Variants in STARD9 observed in about 807,000 individuals in gnomAD.
STARD9 encodes the protein stAR-related lipid transfer protein 9.
A neutral mutation model predicts 399.8 loss-of-function variants in STARD9; 346 were observed. That is an observed-to-expected ratio of 0.87 (90% confidence interval 0.79 to 0.95). The LOEUF (loss-of-function observed/expected upper bound fraction) is 0.95, where lower values mean the gene tolerates loss of function less well. Among genes scored for constraint, STARD9 ranks in the 40% least tolerant of loss-of-function variants. The pLI, the probability that STARD9 is intolerant of heterozygous loss-of-function variation, is 0.00. For missense variants in STARD9, 5,832 were observed against 5,667.5 expected (o/e 1.03, Z -0.93); for synonymous variants, 2,203 against 2,143.5 (o/e 1.03, Z -0.77).
At chr15:42,595,381 C>T (rs575872399) in intron 3 of STARD9, among the ~76,000 whole-genome samples, 1 of 152,282 alleles carries the variant, frequency 6.6e-6, no homozygotes, top group Admixed American at 6.5e-5. Flanking sequence ...ACTCCATGGT[C>T]CAAGCTCTCG....
chr15:42,691,187 C>A lies in STARD9; in HGVS notation c.9609C>A (p.Pro3203=), dbSNP rs573920127. The change falls in exon 23 of 33, where the codon CCC becomes CCA. Residue 3203 remains proline (P), a synonymous_variant. Transcript: ENST00000290607. The part of the protein sequence containing the change: ...FVARLKHTCS[P]QEDSPWQEEE... ...CAAGGTTAAAACATACCTGCAGCCC[C>A]CAGGAAGACAGTCCCTGGCAGGAAG... 1.3e-6 allele frequency: 2 copies of A among 1,537,228 alleles called. No individual in the cohort carries two copies. The highest frequency in any genetic ancestry group is 2.4e-5 in the South Asian group (2 of 84,058).
intron 6 of STARD9, 90 bp from the exon 7 acceptor site, chr15:42,638,610 C>A: frequency 1.2e-6 from 1 of 836,660 alleles, no homozygotes; most frequent in South Asian, 1.8e-5. Context: ...GGAGCTGGAA[C>A]AAGAACTAAG....
chr15:42,606,799 C>G (rs1191824841), intron 3 of STARD9, among the ~76,000 whole-genome samples: 1 of 151,976 alleles, frequency 6.6e-6, no homozygotes, highest in Non-Finnish European at 1.5e-5. Flanking sequence ...TGCTTGTATA[C>G]ATGTACAGTC....
intron 9 of STARD9, among the ~76,000 whole-genome samples, chr15:42,655,019 TGCCTGTAATCCCAGCACTTTGGGAG>T (rs1207705818): frequency 6.6e-6 from 1 of 152,164 alleles, no homozygotes; most frequent in African/African-American, 2.4e-5. Flanking sequence ...CAGTGGCTCA[TGCCTGTAATCCCAGCACTTTGGGAG>T]GCCGAGGCAG....
rs1459453767 is a variant in STARD9, at chr15:42,718,001, G to A, written c.13584G>A (p.Val4528=). 3 of 1,537,246 alleles carry A rather than the reference G, an allele frequency of 2.0e-6. No homozygotes were observed. Among genetic ancestry groups the A allele is most frequent in the Non-Finnish European group, 8.7e-7 (1 of 1,146,910 alleles). Reference sequence around the variant, plus strand: ...GCTATCAGGGTGAGGAGCAGGCGGTGCAGCTTTACTACAAGGTGTTTTCTC... The same window carrying A: ...GCTATCAGGGTGAGGAGCAGGCGGTACAGCTTTACTACAAGGTGTTTTCTC... ...GWNYQGEEQA[V]QLYYKVFSPT... Residue 4528 remains valine (V), a synonymous_variant, in exon 30 of 33, where the codon GTG becomes GTA. Coordinates refer to ENST00000290607, the MANE Select transcript of STARD9 (RefSeq NM_020759.3).
intron 3 of STARD9, among the ~76,000 whole-genome samples, chr15:42,607,191 G>T (rs1482176268): frequency 1.8e-5 from 1 of 55,976 alleles, no homozygotes; most frequent in Non-Finnish European, 5.4e-5. Context: ...CATTTTTCTG[G>T]TGCTTTTTTT....
chr15:42,638,919 C>T, intron 7 of STARD9, 107 bp downstream of exon 7: 1 of 598,476 alleles, frequency 1.7e-6, no homozygotes, highest in Non-Finnish European at 2.9e-6. Flanking sequence ...TTATCGTGTG[C>T]CAGCTACTGT....
intron 2 of STARD9, among the ~76,000 whole-genome samples, chr15:42,585,279 C>T (rs2058252682): frequency 6.6e-6 from 1 of 152,174 alleles, no homozygotes; most frequent in African/African-American, 2.4e-5. Flanking sequence ...TACCACATCT[C>T]ATATAGTTGG....
chr15:42,717,667 G>A, intron 28 of STARD9, 64 bp from the exon 29 acceptor site: 1 of 1,396,926 alleles, frequency 7.2e-7, no homozygotes, highest in Non-Finnish European at 9.8e-7. Flanking sequence ...AGGCCAGACT[G>A]ACTAACCCAG....
Position 42,692,429 on chromosome 15 carries a change from G to A in STARD9, c.10851G>A (p.Glu3617=), listed in dbSNP as rs1795045277. The A allele has an allele frequency of 3.3e-6, 5 of 1,537,112 alleles. No individual in the cohort carries two copies. Among genetic ancestry groups the A allele is most frequent in the African/African-American group, 2.7e-5 (2 of 73,178 alleles). The change falls in exon 23 of 33, where the codon GAG becomes GAA. Residue 3617 remains glutamate, a synonymous_variant. Coordinates refer to ENST00000290607, the MANE Select transcript of STARD9 (RefSeq NM_020759.3). ...AKGSAAGPVD[E]IMLLYPSEAG... is the part of the protein sequence containing the mutation. The stretch of plus-strand genomic sequence containing the variant: ...GAAGTGCTGCAGGTCCAGTGGATGA[G>A]ATTATGCTGCTGTATCCATCAGAGG...
At chr15:42,600,536 T>G (rs1249432211) in intron 3 of STARD9, among the ~76,000 whole-genome samples, 1 of 151,614 alleles carries the variant, frequency 6.6e-6, no homozygotes, top group African/African-American at 2.4e-5. Context: ...CTTTTTTTTT[T>G]TTTTTTGAGA....
intron 15 of STARD9, among the ~76,000 whole-genome samples, chr15:42,666,950 G>A (rs1235186561): frequency 6.6e-6 from 1 of 151,594 alleles, no homozygotes; most frequent in Non-Finnish European, 1.5e-5. Flanking sequence ...GAGTAGCTGG[G>A]ACTACAGATG....
chr15:42,710,220 C>T (rs917760279), intron 26 of STARD9, among the ~76,000 whole-genome samples: 2 of 150,408 alleles, frequency 1.3e-5, no homozygotes, highest in African/African-American at 2.5e-5. Flanking sequence ...CCACCATGCC[C>T]GGGTACTTTT....
intron 3 of STARD9, among the ~76,000 whole-genome samples, chr15:42,602,533 A>G (rs964043454): frequency 6.6e-6 from 1 of 152,246 alleles, no homozygotes; most frequent in Non-Finnish European, 1.5e-5. Context: ...TCAAGGGATC[A>G]GATACAGAAT....
chr15:42,657,918 A>T (rs1379721706), intron 9 of STARD9, among the ~76,000 whole-genome samples: 2 of 152,256 alleles, frequency 1.3e-5, no homozygotes, highest in Non-Finnish European at 2.9e-5. Context: ...GGATGTCTAT[A>T]TGAAAAAAAG....
chr15:42,637,124 C>A (rs1020125141), intron 4 of STARD9, among the ~76,000 whole-genome samples: 1 of 151,466 alleles, frequency 6.6e-6, no homozygotes, highest in Non-Finnish European at 1.5e-5. Context: ...AGTATAAAGC[C>A]CTTAACCGAG....
chr15:42,634,885 G>A lies in STARD9; in HGVS notation c.264G>A (p.Leu88=). ...VVFQDLGMEV[L]SGVAKGYNIC... ...TCCAGGATTTAGGGATGGAAGTACT[G>A]TCTGGAGTTGCCAAAGGCTATAACA... Residue 88 remains leucine (L), a synonymous_variant, in exon 4 of 33, where the codon CTG becomes CTA. Coordinates refer to ENST00000290607, the MANE Select transcript of STARD9 (RefSeq NM_020759.3). 1.3e-6 allele frequency: 2 copies of A among 1,536,136 alleles called. No homozygotes were observed. Among genetic ancestry groups the A allele is most frequent in the Non-Finnish European group, 1.7e-6 (2 of 1,146,262 alleles).
chr15:42,674,777 T>G, intron 17 of STARD9, 50 bp from the exon 18 acceptor site: 1 of 1,480,932 alleles, frequency 6.8e-7, no homozygotes, highest in Non-Finnish European at 8.9e-7. Flanking sequence ...ATGGAGAGGG[T>G]GTTTCCCTGC....
Position 42,691,144 on chromosome 15 carries a change from C to A in STARD9, c.9566C>A (p.Ser3189Tyr). The A allele has an allele frequency of 6.5e-7, 1 of 1,537,238 alleles. No homozygotes were observed. The highest frequency in any genetic ancestry group is 8.7e-7 in the Non-Finnish European group (1 of 1,146,894). The change falls in exon 23 of 33, where the codon TCC (serine) becomes TAC (tyrosine). Residue 3189 changes from serine to tyrosine, a missense_variant. Around this residue, in one of 2 missense-constraint regions of STARD9, gnomAD observed 5,828 missense variants for 5,651.1 expected, o/e 1.03. Transcript: ENST00000290607. ...TELRDHNRLD[S>Y]QAKFVARLKH... ...TTGAGGGATCACAATCGCTTGGATT[C>A]CCAAGCCAAGTTTGTAGCAAGGTTA...
Sources: allele counts gnomAD v4.1 joint callset (sites outside exome capture counted in the v4.1 genomes callset), GRCh38; gene constraint gnomAD v4.1.1; regional missense constraint gnomAD v4.1.1; transcripts MANE v1.5; gene names NCBI Gene and HGNC (gene_info 2026-07-23, HGNC 2026-07-21).